IPO11: variants seen among roughly 807,000 people sequenced by gnomAD.
IPO11 encodes the protein importin-11.
Under a neutral mutation model 143.2 loss-of-function variants are expected in IPO11, and 66 were observed. The ratio of observed to expected loss-of-function variants is 0.46; its 90% CI spans 0.38 to 0.57. The LOEUF is 0.57. IPO11 is among the 20% of genes least tolerant of loss of function. IPO11 has a pLI of 0.00. For synonymous variants in IPO11, 385 were observed against 377.8 expected (o/e 1.02, Z -0.22); for missense variants, 1,026 against 1,141.0 (o/e 0.90, Z 1.45).
At chr5:62,571,708 G>A (rs554072803) in intron 27 of IPO11, among the ~76,000 whole-genome samples, 4 of 139,864 alleles carry the variant, frequency 2.9e-5, no homozygotes, top group Non-Finnish European at 6.1e-5. Context: ...TTTTTTTTGA[G>A]ACAGCCTTGC....
chr5:62,598,430 TTCTCTCTCTCTC>T (rs1323743350), intron 28 of IPO11, among the ~76,000 whole-genome samples: 8 of 7,176 alleles, frequency 1.1e-3, no homozygotes, highest in East Asian at 2.6e-3. Context: ...CTTTCTTTCT[TTCTCTCTCTCTC>T]TCTCTCTCTC....
intron 26 of IPO11, among the ~76,000 whole-genome samples, chr5:62,552,731 C>T (rs1016593719): frequency 2.6e-5 from 4 of 152,088 alleles, no homozygotes; most frequent in Non-Finnish European, 1.5e-5. Flanking sequence ...AATATATGTC[C>T]TTCTTCCCTT....
At chr5:62,518,573 C>T (rs2112292026) in intron 20 of IPO11, among the ~76,000 whole-genome samples, 1 of 152,040 alleles carries the variant, frequency 6.6e-6, no homozygotes, top group South Asian at 2.1e-4. Context: ...AAGATCACAC[C>T]CCTGCACTCT....
intron 5 of IPO11, among the ~76,000 whole-genome samples, chr5:62,466,157 ATGTT>A: frequency 6.6e-6 from 1 of 152,154 alleles, no homozygotes; most frequent in Non-Finnish European, 1.5e-5. Flanking sequence ...GGATCACAGG[ATGTT>A]TTGCCAAGAC....
intron 10 of IPO11, 185 bp downstream of exon 10, chr5:62,483,478 G>A: frequency 2.1e-6 from 1 of 469,354 alleles, no homozygotes; most frequent in Non-Finnish European, 3.7e-6. Context: ...ACAACATAGT[G>A]CATTTAATAA....
chr5:62,485,027 A>G (rs1746349259), intron 11 of IPO11, among the ~76,000 whole-genome samples: 1 of 152,030 alleles, frequency 6.6e-6, no homozygotes, highest in African/African-American at 2.4e-5. Flanking sequence ...TAAATTCAAG[A>G]AATTTATGGA....
intron 13 of IPO11, 132 bp from the exon 14 acceptor site, chr5:62,489,170 C>T: frequency 2.1e-6 from 1 of 469,396 alleles, no homozygotes; most frequent in Non-Finnish European, 3.6e-6. Flanking sequence ...TACTTGTGTC[C>T]ATTTTTGACA....
intron 29 of IPO11, among the ~76,000 whole-genome samples, chr5:62,610,636 T>G (rs1041829470): frequency 7.2e-5 from 11 of 152,228 alleles, no homozygotes; most frequent in Non-Finnish European, 1.5e-4. Context: ...CTCTGTTTAC[T>G]CTTAGTTAAG....
intron 24 of IPO11, among the ~76,000 whole-genome samples, chr5:62,546,048 C>G (rs1403725167): frequency 6.6e-6 from 1 of 152,186 alleles, no homozygotes; most frequent in Non-Finnish European, 1.5e-5. Context: ...GGCAATTCCT[C>G]AAGGATCTAG....
At chr5:62,550,246 AC>A in intron 24 of IPO11, 120 bp from the exon 25 acceptor site, 1 of 638,582 alleles carries the variant, frequency 1.6e-6, no homozygotes, top group South Asian at 2.0e-5. Context: ...TACCCTGCAT[AC>A]GTGTATGCAT....
At chr5:62,474,786 G>A (rs1745898130) in intron 8 of IPO11, among the ~76,000 whole-genome samples, 1 of 152,142 alleles carries the variant, frequency 6.6e-6, no homozygotes, top group Non-Finnish European at 1.5e-5. Context: ...TGAAACCACA[G>A]ATAGTACCAA....
At chr5:62,564,374 T>A (rs999192745) in intron 27 of IPO11, among the ~76,000 whole-genome samples, 1 of 152,228 alleles carries the variant, frequency 6.6e-6, no homozygotes, top group Non-Finnish European at 1.5e-5. Flanking sequence ...GTATTTTTCC[T>A]CTTCTGCATC....
chr5:62,553,226 T>C (rs1444711638), intron 26 of IPO11, among the ~76,000 whole-genome samples: 1 of 152,228 alleles, frequency 6.6e-6, no homozygotes, highest in African/African-American at 2.4e-5. Context: ...TTTCTGTTCC[T>C]GGCTTATTTC....
chr5:62,449,839 CTTT>C (rs967128934), intron 3 of IPO11, 85 bp from the exon 4 acceptor site: 1 of 792,080 alleles, frequency 1.3e-6, no homozygotes, highest in Non-Finnish European at 2.0e-6. Context: ...GTTTGAAAGG[CTTT>C]TTATTAAAAT....
At chr5:62,580,250 G>A (rs950364928) in intron 27 of IPO11, 1 of 1,546,324 alleles carries the variant, frequency 6.5e-7, no homozygotes, top group African/African-American at 1.4e-5. Context: ...ACTAGGGATG[G>A]GTTTAGTGGA....
At chr5:62,551,766 T>C (rs1315541725) in intron 26 of IPO11, among the ~76,000 whole-genome samples, 1 of 152,186 alleles carries the variant, frequency 6.6e-6, no homozygotes, top group South Asian at 2.1e-4. Context: ...AGGTTTATTT[T>C]TAAAAATTGT....
Position 62,442,979 on chromosome 5 carries a change from A to G in IPO11, c.139-4A>G. The G allele has an allele frequency of 6.5e-7, 1 of 1,529,618 alleles. No individual in the cohort carries two copies. The highest frequency in any genetic ancestry group is 9.0e-7 in the Non-Finnish European group (1 of 1,113,490). 94.8% of individuals were successfully genotyped at this position (1,529,618 alleles called of 1,614,324 possible). A position where few individuals can be genotyped will look rare whatever the true frequency, so the allele number is the denominator to read the frequency against. On this transcript the variant is annotated splice_region_variant and splice_polypyrimidine_tract_variant and intron_variant, in intron 2 of 29. Transcript: ENST00000325324. ...AATTCTAATATTATGTTTTTTATTT[A>G]TAGAATATTTTCACCAACCACACTT...
chr5:62,543,829 A>G (rs972313801), intron 24 of IPO11, among the ~76,000 whole-genome samples: 44 of 152,220 alleles, frequency 2.9e-4, no homozygotes, highest in Admixed American at 1.4e-3. Flanking sequence ...ATTTAGTGCT[A>G]TAAATTTCTG....
At chr5:62,547,355 C>T (rs779098278) in intron 24 of IPO11, among the ~76,000 whole-genome samples, 4 of 152,046 alleles carry the variant, frequency 2.6e-5, no homozygotes, top group Admixed American at 6.6e-5. Context: ...ACCTCAAATT[C>T]GTCATGTCAG....
Sources: allele counts gnomAD v4.1 joint callset (sites outside exome capture counted in the v4.1 genomes callset), GRCh38; gene constraint gnomAD v4.1.1; transcripts MANE v1.5; gene names NCBI Gene and HGNC (gene_info 2026-07-23, HGNC 2026-07-21).